KATNA1: variants seen among roughly 807,000 people sequenced by gnomAD.
The protein encoded by KATNA1 is katanin p60 ATPase-containing subunit A1.
Under a neutral mutation model 62.6 loss-of-function variants are expected in KATNA1, and 42 were observed. That is an observed-to-expected ratio of 0.67 (90% CI 0.52 to 0.87). The LOEUF (loss-of-function observed/expected upper bound fraction) is 0.87. KATNA1 is among the 40% of genes least tolerant of loss of function. KATNA1 has a pLI of 0.00. For synonymous variants in KATNA1, 186 were observed against 201.9 expected (o/e 0.92, Z 0.67); for missense variants, 498 against 612.5 (o/e 0.81, Z 1.97).
chr6:149,623,056 T>A (rs1779464007), intron 4 of KATNA1, 47 bp downstream of exon 4: 1 of 1,375,736 alleles, frequency 7.3e-7, no homozygotes, highest in Admixed American at 2.3e-5. Context: ...TCTTCATTTT[T>A]ACGGTTCAAA....
chr6:149,609,499 G>A (rs998511172), intron 4 of KATNA1, among the ~76,000 whole-genome samples: 1 of 151,870 alleles, frequency 6.6e-6, no homozygotes, highest in Non-Finnish European at 1.5e-5. Context: ...AACCAGCTTG[G>A]GCAATAAAAT....
intron 3 of KATNA1, among the ~76,000 whole-genome samples, chr6:149,626,370 C>A (rs1311123829): frequency 7.5e-6 from 1 of 133,408 alleles, no homozygotes; most frequent in Non-Finnish European, 1.5e-5. Context: ...TCTCCGCTCA[C>A]TGCAAGCTCC....
upstream of KATNA1, chr6:149,648,782 G>C (rs942620173): frequency 2.0e-5 from 3 of 152,384 alleles, no homozygotes; most frequent in Admixed American, 6.5e-5. Flanking sequence ...GGTGTGGCCG[G>C]GCCCGGGGCC....
intron 7 of KATNA1, among the ~76,000 whole-genome samples, chr6:149,601,077 T>G (rs1002571269): frequency 6.6e-6 from 1 of 152,210 alleles, no homozygotes. Context: ...GGCTGTGGAA[T>G]TCAATCTAAA....
intron 2 of KATNA1, among the ~76,000 whole-genome samples, chr6:149,635,454 T>C (rs1780031952): frequency 6.6e-6 from 1 of 152,184 alleles, no homozygotes. Context: ...GTCTGTAATC[T>C]CAGTACTTTG....
chr6:149,626,341 C>T (rs1433410797), intron 3 of KATNA1, among the ~76,000 whole-genome samples: 1 of 114,802 alleles, frequency 8.7e-6, no homozygotes, highest in Non-Finnish European at 1.6e-5. Context: ...GTCGCCCAGG[C>T]GGGAGTGCTG....
Position 149,601,766 on chromosome 6 carries a change from A to G in KATNA1, c.730-14T>C. Reference sequence around the variant, plus strand: ...CATCAGTACTCCCTGTTGCGAATATAATAGCCTCAGCAGAGGATTTATCTG... The same window carrying G: ...CATCAGTACTCCCTGTTGCGAATATGATAGCCTCAGCAGAGGATTTATCTG... On this transcript the variant is annotated splice_polypyrimidine_tract_variant and intron_variant, in intron 6 of 10. Coordinates refer to ENST00000367411, the MANE Select transcript of KATNA1 (RefSeq NM_007044.4). The G allele has an allele frequency of 6.4e-7, 1 of 1,558,106 alleles. No individual in the cohort carries two copies.
intron 3 of KATNA1, among the ~76,000 whole-genome samples, chr6:149,623,724 C>T (rs577025121): frequency 4.0e-5 from 6 of 151,728 alleles, no homozygotes; most frequent in Non-Finnish European, 7.4e-5. Flanking sequence ...GGCAACAGAA[C>T]GAGACTCCGT....
intron 8 of KATNA1, chr6:149,597,990 C>A: frequency 2.0e-6 from 1 of 509,660 alleles, no homozygotes; most frequent in Non-Finnish European, 3.4e-6. Flanking sequence ...TTGTATATAC[C>A]AAAAGGGTGC....
chr6:149,597,792 TA>T (rs1778384927), intron 8 of KATNA1, 151 bp from the exon 9 acceptor site: 2 of 665,194 alleles, frequency 3.0e-6, no homozygotes, highest in African/African-American at 1.8e-5. Context: ...AACTGGTACC[TA>T]TGTGAATTTG....
chr6:149,627,435 G>A (rs1779657317), intron 3 of KATNA1, among the ~76,000 whole-genome samples: 1 of 149,498 alleles, frequency 6.7e-6, no homozygotes, highest in Admixed American at 6.7e-5. Context: ...GCGTGGTGGT[G>A]CATGCCTGTA....
At chr6:149,607,627 A>G (rs1367622181) in intron 4 of KATNA1, among the ~76,000 whole-genome samples, 2 of 152,150 alleles carry the variant, frequency 1.3e-5, no homozygotes, top group Admixed American at 6.6e-5. Flanking sequence ...AAAACAAACA[A>G]TAACTTGTTC....
At chr6:149,623,391 G>T in intron 3 of KATNA1, 108 bp from the exon 4 acceptor site, 1 of 705,320 alleles carries the variant, frequency 1.4e-6, no homozygotes, top group Non-Finnish European at 2.2e-6. Flanking sequence ...TGCAACAACT[G>T]AACACAAGAC....
At chr6:149,646,564 T>A (rs1406588223) in intron 1 of KATNA1, among the ~76,000 whole-genome samples, 3 of 152,236 alleles carry the variant, frequency 2.0e-5, no homozygotes, top group Non-Finnish European at 2.9e-5. Context: ...GAATGACCCA[T>A]GACCAATTAC....
rs189756899 is a variant in KATNA1, at chr6:149,647,630, T to G, written c.-14+839A>C. On this transcript the variant is annotated intron_variant, in intron 1 of 10. Coordinates refer to ENST00000367411, the MANE Select transcript of KATNA1 (RefSeq NM_007044.4). Reference sequence around the variant, plus strand: ...CCCGTAAAAACATTTCAAGAATCTGTCTTAACATCTACTAAGGTGATTATC... The same window carrying G: ...CCCGTAAAAACATTTCAAGAATCTGGCTTAACATCTACTAAGGTGATTATC... Among the ~76,000 whole-genome samples, 321 of 151,992 alleles carry G rather than the reference T, an allele frequency of 2.1e-3. 3 individuals carry two copies. Among genetic ancestry groups the G allele is most frequent in the African/African-American group, 7.5e-3 (310 of 41,464 alleles).
At chr6:149,597,421 AAGTT>A (rs1740479625) in intron 9 of KATNA1, 82 bp downstream of exon 9, 7 of 1,509,080 alleles carry the variant, frequency 4.6e-6, no homozygotes, top group Middle Eastern at 1.8e-4. Context: ...CTCTTCCAGA[AAGTT>A]AGTTAATAAC....
At chr6:149,620,702 T>C (rs1779358499) in intron 4 of KATNA1, among the ~76,000 whole-genome samples, 1 of 152,240 alleles carries the variant, frequency 6.6e-6, no homozygotes, top group African/African-American at 2.4e-5. Context: ...GTGATGGATA[T>C]GTTAATTACT....
intron 3 of KATNA1, among the ~76,000 whole-genome samples, chr6:149,629,631 ATTAG>A (rs1779756805): frequency 1.3e-5 from 2 of 152,230 alleles, no homozygotes; most frequent in Non-Finnish European, 2.9e-5. Flanking sequence ...TGACTCATCT[ATTAG>A]TTCTACTTCT....
chr6:149,640,299 A>G (rs933523451), intron 1 of KATNA1, among the ~76,000 whole-genome samples: 3 of 151,962 alleles, frequency 2.0e-5, no homozygotes, highest in African/African-American at 7.2e-5. Flanking sequence ...TCTACAAAAA[A>G]TACAAAAATT....
Sources: gnomAD v4.1 joint callset for allele counts (sites outside exome capture counted in the v4.1 genomes callset) on GRCh38, gnomAD v4.1.1 for gene constraint, MANE v1.5 for transcripts, NCBI Gene and HGNC (gene_info 2026-07-23, HGNC 2026-07-21) for gene names.